The following PLEKHA5 variants were observed in gnomAD, a reference collection of about 807,000 sequenced individuals.
PLEKHA5 encodes the protein pleckstrin homology domain-containing family A member 5.
PLEKHA5 carries 55 observed loss-of-function variants against 181.9 expected under a neutral mutation model. That is an observed-to-expected ratio of 0.30 (90% CI 0.24 to 0.38). The LOEUF is 0.38. Among genes scored for constraint, PLEKHA5 ranks in the 10% least tolerant of loss-of-function variants. The pLI is 1.00. For synonymous variants in PLEKHA5, 535 were observed against 529.4 expected, an observed-to-expected ratio of 1.01 and a Z score of -0.15; for missense variants, 1,432 against 1,549.5, an observed-to-expected ratio of 0.92 and a Z score of 1.27.
chr12:19,153,440 GT>G (rs2040930879), intron 3 of PLEKHA5: 2 of 152,190 alleles, frequency 1.3e-5, no homozygotes, highest in African/African-American at 4.8e-5. Flanking sequence ...AGTTAATAAA[GT>G]TTGTATTTTT....
chr12:19,151,745 AATT>A (rs545510865), intron 3 of PLEKHA5: 1 of 152,220 alleles, frequency 6.6e-6, no homozygotes, highest in African/African-American at 2.4e-5. Flanking sequence ...ACAGTGATTT[AATT>A]TAAGTAATAC....
intron 3 of PLEKHA5, among the ~76,000 whole-genome samples, chr12:19,186,138 C>A (rs1022446644): frequency 3.3e-5 from 5 of 152,092 alleles, no homozygotes; most frequent in African/African-American, 1.2e-4. Context: ...GTCCCTGGCT[C>A]TAGCTTAGTT....
chr12:19,375,380 A>G (rs935786719), intron 31 of PLEKHA5, among the ~76,000 whole-genome samples, 151 bp from the exon 32 acceptor site: 2 of 152,190 alleles, frequency 1.3e-5, no homozygotes, highest in African/African-American at 2.4e-5. Context: ...GGAAATGAAG[A>G]AAAATATCCT....
chr12:19,369,948 T>C (rs1276496115), intron 31 of PLEKHA5, 150 bp downstream of exon 31: 2 of 463,096 alleles, frequency 4.3e-6, no homozygotes, highest in Admixed American at 8.0e-5. Context: ...GAACCAGGGT[T>C]GGTAACAGAT....
At chr12:19,243,050 G>C (rs1360514711) in intron 3 of PLEKHA5, 1 of 152,274 alleles carries the variant, frequency 6.6e-6, no homozygotes, top group East Asian at 1.9e-4. Context: ...ATCCTGGGGT[G>C]ATGGTAGGCA....
rs558274445 is a variant in PLEKHA5 at position 19,136,274 on chromosome 12, C to A, written c.227+3824C>A. The stretch of plus-strand genomic sequence containing the variant: ...GCTAGCCAGCCTCTTAATTATGTTA[C>A]TATGTGTTTGTGTGTGTAAATACAT... On this transcript the variant is annotated intron_variant, in intron 3 of 31. Transcript: ENST00000429027. Among the ~76,000 whole-genome samples the A allele has an allele frequency of 3.3e-5, 5 of 152,066 alleles. No individual in the cohort carries two copies. The South Asian group carries it at 1.0e-3, about 32-fold the overall frequency.
At chr12:19,323,247 A>G (rs2091341275) in intron 20 of PLEKHA5, among the ~76,000 whole-genome samples, 1 of 151,956 alleles carries the variant, frequency 6.6e-6, no homozygotes, top group East Asian at 2.0e-4. Context: ...AGTAGTCTGG[A>G]TGTGGTGGCT....
At chr12:19,281,548 G>A (rs933544115) in intron 11 of PLEKHA5, among the ~76,000 whole-genome samples, 1 of 151,028 alleles carries the variant, frequency 6.6e-6, no homozygotes. Context: ...ATGCACTTCA[G>A]CCTGGGCAAC....
At chr12:19,230,306 G>A (rs538694748) in intron 3 of PLEKHA5, among the ~76,000 whole-genome samples, 1 of 152,210 alleles carries the variant, frequency 6.6e-6, no homozygotes, top group Non-Finnish European at 1.5e-5. Flanking sequence ...TCACCTAGTG[G>A]ATCCCGCACT....
intron 25 of PLEKHA5, among the ~76,000 whole-genome samples, chr12:19,349,506 AAAT>A (rs1006493143): frequency 6.6e-6 from 1 of 152,110 alleles, no homozygotes; most frequent in African/African-American, 2.4e-5. Context: ...GTAAATTCTA[AAAT>A]AATATTTCTG....
intron 3 of PLEKHA5, among the ~76,000 whole-genome samples, chr12:19,252,699 T>A (rs981659256): frequency 6.6e-6 from 1 of 152,152 alleles, no homozygotes; most frequent in Non-Finnish European, 1.5e-5. Context: ...TCATTTAAGA[T>A]TTTTGCTTCT....
chr12:19,166,120 AT>A (rs1454864692), intron 3 of PLEKHA5, among the ~76,000 whole-genome samples: 1 of 152,146 alleles, frequency 6.6e-6, no homozygotes, highest in Admixed American at 6.5e-5. Context: ...CTTCAGTAAC[AT>A]TATGCTGCCT....
chr12:19,162,685 A>ATTGATTAT (rs1430106074), intron 3 of PLEKHA5, among the ~76,000 whole-genome samples: 1 of 152,116 alleles, frequency 6.6e-6, no homozygotes, highest in Admixed American at 6.5e-5. Context: ...AACCTAATGA[A>ATTGATTAT]CATTAAATTG....
In PLEKHA5 at chr12:19,348,466, A is replaced by G. The variant is rs774898207; in HGVS notation, c.2966A>G (p.Asn989Ser). Residue 989 changes from asparagine to serine, a missense_variant, in exon 25 of 32, where the codon AAT (asparagine) becomes AGT (serine). Physicochemically the swap from Asn to Ser is conservative, Grantham distance 46. Coordinates refer to ENST00000429027, the MANE Select transcript of PLEKHA5 (RefSeq NM_001256470.2). ...ACAGTGGCAGAAGTTGATGAATCTA[A>G]TGGAGAAGAAAAATCAGAACCTGTT... ...LTTVAEVDES[N>S]GEEKSEPVSE... 1 of 1,581,464 alleles carries G rather than the reference A, an allele frequency of 6.3e-7. No homozygotes were observed. The highest frequency in any genetic ancestry group is 8.6e-7 in the Non-Finnish European group (1 of 1,166,628).
chr12:19,253,689 GGGCGCCTATAATCCAAGCTACTTGGGA>G (rs1333729984), intron 3 of PLEKHA5, among the ~76,000 whole-genome samples: 1 of 151,750 alleles, frequency 6.6e-6, no homozygotes, highest in African/African-American at 2.4e-5. Context: ...GCGTGATGGT[GGGCGCCTATAATCCAAGCTACTTGGGA>G]GGCTGAGGCA....
At chr12:19,242,167 C>T (rs1267190861) in intron 3 of PLEKHA5, among the ~76,000 whole-genome samples, 1 of 152,100 alleles carries the variant, frequency 6.6e-6, no homozygotes, top group Non-Finnish European at 1.5e-5. Context: ...TTGAATCATT[C>T]TTACATTACT....
chr12:19,203,533 T>G (rs1392131218), intron 3 of PLEKHA5, among the ~76,000 whole-genome samples: 1 of 152,040 alleles, frequency 6.6e-6, no homozygotes. Context: ...TCTTTCTCTC[T>G]CCTGTCTAGT....
intron 15 of PLEKHA5, among the ~76,000 whole-genome samples, chr12:19,313,870 TA>T (rs953570709): frequency 1.3e-5 from 2 of 152,164 alleles, no homozygotes; most frequent in Admixed American, 1.3e-4. Flanking sequence ...ATTATATTAA[TA>T]AATTTATTAA....
intron 6 of PLEKHA5, 51 bp from the exon 7 acceptor site, chr12:19,260,898 T>C (rs376505109): frequency 2.5e-5 from 26 of 1,042,306 alleles, no homozygotes; most frequent in Non-Finnish European, 3.7e-5. Context: ...AATGCACATG[T>C]GAGTTTTTGT....
Sources: gnomAD v4.1 joint callset for allele counts (sites outside exome capture counted in the v4.1 genomes callset) on GRCh38, gnomAD v4.1.1 for gene constraint, MANE v1.5 for transcripts, NCBI Gene and HGNC (gene_info 2026-07-23, HGNC 2026-07-21) for gene names.